SLC2A13: variants seen among roughly 807,000 people sequenced by gnomAD.
The protein encoded by SLC2A13 is solute carrier family 2 member 13.
Under a neutral mutation model 64.4 loss-of-function variants are expected in SLC2A13, and 32 were observed. That is an observed-to-expected ratio of 0.50 (90% CI 0.37 to 0.67). The LOEUF (loss-of-function observed/expected upper bound fraction) is 0.67. SLC2A13 is among the 30% of genes least tolerant of loss of function. SLC2A13 has a pLI of 0.00. For synonymous variants in SLC2A13, 338 were observed against 327.1 expected (o/e 1.03, Z -0.36); for missense variants, 743 against 829.2 (o/e 0.90, Z 1.28).
At chr12:39,899,459 GT>G (rs1392549942) in intron 4 of SLC2A13, among the ~76,000 whole-genome samples, 2 of 152,050 alleles carry the variant, frequency 1.3e-5, no homozygotes, top group African/African-American at 4.8e-5. Flanking sequence ...TTTTTAAAGG[GT>G]TTTTTGTGTC....
chr12:39,968,686 TAC>T (rs1201578635), intron 3 of SLC2A13, among the ~76,000 whole-genome samples: 1 of 150,412 alleles, frequency 6.6e-6, no homozygotes, highest in Non-Finnish European at 1.5e-5. Flanking sequence ...AAGAGGTCTA[TAC>T]ACACTTTCCC....
intron 6 of SLC2A13, among the ~76,000 whole-genome samples, chr12:39,860,402 G>A (rs1226545286): frequency 6.6e-6 from 1 of 152,202 alleles, no homozygotes; most frequent in African/African-American, 2.4e-5. Context: ...AAGGTAGCTA[G>A]AGTCTTGATA....
intron 3 of SLC2A13, among the ~76,000 whole-genome samples, chr12:39,954,110 T>A (rs993083787): frequency 6.6e-6 from 1 of 152,136 alleles, no homozygotes; most frequent in Non-Finnish European, 1.5e-5. Flanking sequence ...AAACAACAGT[T>A]CTCATGCTAG....
intron 3 of SLC2A13, among the ~76,000 whole-genome samples, chr12:39,977,894 C>T (rs1946792835): frequency 6.6e-6 from 1 of 152,206 alleles, no homozygotes; most frequent in Non-Finnish European, 1.5e-5. Context: ...TCTGGCATTA[C>T]CAGAGATGCC....
Position 40,072,005 on chromosome 12 carries a change from T to C in SLC2A13, c.557-23795A>G, listed in dbSNP as rs1937977512. Among the ~76,000 whole-genome samples the C allele has an allele frequency of 1.3e-5, 2 of 152,112 alleles. 1 individual carries two copies. The highest frequency in any genetic ancestry group is 4.1e-4 in the South Asian group (2 of 4,832). On this transcript the variant is annotated intron_variant, in intron 1 of 9. Coordinates refer to ENST00000280871, the MANE Select transcript of SLC2A13 (RefSeq NM_052885.4). Reference sequence around the variant, plus strand: ...TTTCCTGTCTCCTAAGGTCAAAGCCTAGAAGACTGACTCTAGCACTTTCTC... The same window carrying C: ...TTTCCTGTCTCCTAAGGTCAAAGCCCAGAAGACTGACTCTAGCACTTTCTC...
chr12:39,999,461 C>A (rs931611586), intron 3 of SLC2A13, among the ~76,000 whole-genome samples: 4 of 152,100 alleles, frequency 2.6e-5, no homozygotes, highest in Non-Finnish European at 2.9e-5. Context: ...AACAGCCGCT[C>A]TGGGAGTGTC....
At position 40,028,480 on chromosome 12, in the gene SLC2A13, G is replaced by T; in HGVS notation, c.746C>A (p.Ala249Glu). 6.2e-7 allele frequency: 1 copy of T among 1,613,824 alleles called. No homozygotes were observed. The highest frequency in any genetic ancestry group is 8.5e-7 in the Non-Finnish European group (1 of 1,179,900). ...GAGAAAGCCAAAAAACTGTATAACC[G>T]CCGGAACTGCTGCAAGTCCCAACAT... is the stretch of plus-strand genomic sequence containing the variant. Reference protein sequence around the residue: ...RYMLGLAAVPAVIQFFGFLFL... With the variant: ...RYMLGLAAVPEVIQFFGFLFL... Residue 249 changes from alanine to glutamate, a missense_variant, in exon 3 of 10, where the codon GCG becomes GAG. This residue lies in a region of SLC2A13 where 448 missense variants were observed against 447.4 expected (regional missense o/e 1.00). Coordinates refer to ENST00000280871, the MANE Select transcript of SLC2A13 (RefSeq NM_052885.4).
In SLC2A13 at chr12:39,844,308, G is replaced by A. The variant is rs1413809006; in HGVS notation, c.1320-14080C>T. ...CAGTCCTTTAACTTCACAGTTTAGG[G>A]TCATAGTAACAGCTATGGAGTCAAA... is the stretch of plus-strand genomic sequence containing the variant. On this transcript the variant is annotated intron_variant, in intron 6 of 9. Coordinates refer to ENST00000280871, the MANE Select transcript of SLC2A13 (RefSeq NM_052885.4). 3.3e-5 allele frequency among the ~76,000 whole-genome samples: 5 copies of A among 152,122 alleles called. 1 individual carries two copies. The highest frequency in any genetic ancestry group is 7.4e-5 in the Non-Finnish European group (5 of 67,952).
At chr12:40,089,155 C>T (rs7312848) in intron 1 of SLC2A13, among the ~76,000 whole-genome samples, 5 of 152,082 alleles carry the variant, frequency 3.3e-5, no homozygotes, top group Non-Finnish European at 5.9e-5. Flanking sequence ...TCAGAGGGTG[C>T]TAGGGGCATA....
intron 6 of SLC2A13, among the ~76,000 whole-genome samples, chr12:39,841,506 C>A (rs1054887042): frequency 6.6e-6 from 1 of 151,914 alleles, no homozygotes; most frequent in Non-Finnish European, 1.5e-5. Flanking sequence ...TAGTTAAAAA[C>A]CTCAATTGTA....
In SLC2A13 at chr12:39,974,419, C is replaced by T. The variant is rs148608464; in HGVS notation, c.926-23054G>A. 3.2e-4 allele frequency among the ~76,000 whole-genome samples: 49 copies of T among 152,332 alleles called. No individual in the cohort carries two copies. In the East Asian group the frequency reaches 7.5e-3, roughly 23 times the overall value. On this transcript the variant is annotated intron_variant, in intron 3 of 9. Coordinates refer to ENST00000280871, the MANE Select transcript of SLC2A13 (RefSeq NM_052885.4). ...CCATCCTGCCTGTTTTTGGTGTCCT[C>T]ATTTATAAAACAGGATGATGACGCA...
chr12:39,890,283 A>G lies in SLC2A13; in HGVS notation c.1035-18322T>C, dbSNP rs147178445. On this transcript the variant is annotated intron_variant, in intron 4 of 9. Coordinates refer to ENST00000280871, the MANE Select transcript of SLC2A13 (RefSeq NM_052885.4). ...AGATTTATGTAAAAGGAAGTTCATT[A>G]GAGCATCATTATTATTAAACAGTAT... Among the ~76,000 whole-genome samples, 22 of 152,358 alleles carry G rather than the reference A, an allele frequency of 1.4e-4. No homozygotes were observed. The East Asian group carries it at 4.2e-3, about 29-fold the overall frequency.
At chr12:39,847,173 T>C (rs984560546) in intron 6 of SLC2A13, among the ~76,000 whole-genome samples, 1 of 152,162 alleles carries the variant, frequency 6.6e-6, no homozygotes, top group Non-Finnish European at 1.5e-5. Context: ...CCCTATTTGG[T>C]CCATTGATTT....
intron 1 of SLC2A13, among the ~76,000 whole-genome samples, chr12:40,072,483 G>A (rs370147516): frequency 6.6e-6 from 1 of 152,036 alleles, no homozygotes. Context: ...TGATAGAAGG[G>A]TAATGAAGTC....
intron 3 of SLC2A13, among the ~76,000 whole-genome samples, chr12:39,952,363 G>A (rs1420837604): frequency 1.3e-5 from 2 of 152,138 alleles, no homozygotes; most frequent in African/African-American, 4.8e-5. Flanking sequence ...TGCTTAATTA[G>A]AGTCCAAGTT....
chr12:39,921,153 T>C (rs1404469725), intron 4 of SLC2A13, among the ~76,000 whole-genome samples: 2 of 152,104 alleles, frequency 1.3e-5, no homozygotes, highest in South Asian at 2.1e-4. Context: ...ATTATCTATA[T>C]AGAGCTGCAA....
At chr12:39,806,427 T>A (rs1332855561) in intron 7 of SLC2A13, among the ~76,000 whole-genome samples, 13 of 152,180 alleles carry the variant, frequency 8.5e-5, no homozygotes. Flanking sequence ...AACAAGGCAC[T>A]TTTTCTCCTA....
Position 40,026,955 on chromosome 12 carries a change from C to A in SLC2A13, c.925+1346G>T, listed in dbSNP as rs183536275. Among the ~76,000 whole-genome samples, 52 of 152,194 alleles carry A rather than the reference C, an allele frequency of 3.4e-4. No homozygotes were observed. In the East Asian group the frequency reaches 8.5e-3, roughly 25 times the overall value. On this transcript the variant is annotated intron_variant, in intron 3 of 9. Transcript: ENST00000280871. ...ATCAGCCAGGCATGATGGCCCATGCCTATAATCCCAGCTACTCGGGAGGCC... is the reference window on the plus strand; with the variant it reads ...ATCAGCCAGGCATGATGGCCCATGCATATAATCCCAGCTACTCGGGAGGCC...
chr12:40,080,264 A>C (rs1252924374), intron 1 of SLC2A13, among the ~76,000 whole-genome samples: 1 of 152,076 alleles, frequency 6.6e-6, no homozygotes, highest in African/African-American at 2.4e-5. Flanking sequence ...CCATCCCTTT[A>C]CTTTGAGCCT....
Sources: gnomAD v4.1 joint callset for allele counts (sites outside exome capture counted in the v4.1 genomes callset) on GRCh38, gnomAD v4.1.1 for gene constraint, gnomAD v4.1.1 regional missense constraint, MANE v1.5 for transcripts, NCBI Gene and HGNC (gene_info 2026-07-23, HGNC 2026-07-21) for gene names.